Variants in TBCE observed in about 807,000 individuals in gnomAD.
TBCE encodes the protein tubulin-specific chaperone E.
Under a neutral mutation model 77.0 loss-of-function variants are expected in TBCE, and 53 were observed. The observed-to-expected ratio is 0.69, with a 90% CI of 0.55 to 0.87. The LOEUF (loss-of-function observed/expected upper bound fraction) is 0.87. TBCE is among the 40% of genes least tolerant of loss of function. The probability of loss-of-function intolerance (pLI) is 0.00; values close to 1 mark genes in which losing one functional copy is unlikely to be tolerated. For synonymous variants in TBCE, 235 were observed against 241.3 expected (o/e 0.97, Z 0.24); for missense variants, 624 against 622.4 (o/e 1.00, Z -0.03).
At chr1:235,434,058 G>T in intron 7 of TBCE, 146 bp from the exon 8 acceptor site, 1 of 768,518 alleles carries the variant, frequency 1.3e-6, no homozygotes. Flanking sequence ...CACTATTCCA[G>T]GCCTGAAACA....
At chr1:235,383,815 T>G (rs1204117226) in intron 2 of TBCE, among the ~76,000 whole-genome samples, 1 of 152,188 alleles carries the variant, frequency 6.6e-6, no homozygotes, top group Non-Finnish European at 1.5e-5. Flanking sequence ...TGTTTCCTTC[T>G]CCTGCCTAAT....
intron 15 of TBCE, 118 bp from the exon 16 acceptor site, chr1:235,448,231 A>AAAAAAAAAAAAC: frequency 1.3e-6 from 1 of 793,420 alleles, no homozygotes; most frequent in African/African-American, 1.8e-5. Flanking sequence ...AAAAAAAAAA[A>AAAAAAAAAAAAC]AAAAAAAAAG....
Position 235,436,309 on chromosome 1 carries a change from T to G in TBCE, c.834-77T>G, listed in dbSNP as rs75683084. ...AAACCCAGGGTGTAGGAAAAAAATT[T>G]ACAAACCGAGTCTGGTTGATACCCC... On this transcript the variant is annotated intron_variant, in intron 9 of 16. Transcript: ENST00000642610. 0.029 allele frequency: 42,173 copies of G among 1,448,682 alleles called. 1,117 individuals carry two copies. Among genetic ancestry groups the G allele is most frequent in the African/African-American group, 0.14 (9,689 of 71,688 alleles). 89.7% of individuals were successfully genotyped at this position (1,448,682 alleles called of 1,614,324 possible).
chr1:235,437,084 G>A (rs555418293), intron 11 of TBCE, among the ~76,000 whole-genome samples: 6 of 152,276 alleles, frequency 3.9e-5, no homozygotes, highest in East Asian at 3.9e-4. Flanking sequence ...AGCCGAGATC[G>A]CGCCGTTGCT....
chr1:235,398,063 A>G (rs1007848229), intron 2 of TBCE, among the ~76,000 whole-genome samples: 11 of 151,076 alleles, frequency 7.3e-5, no homozygotes, highest in African/African-American at 2.2e-4. Context: ...GAATGGCCTT[A>G]TTTTGTGCAT....
intron 3 of TBCE, among the ~76,000 whole-genome samples, chr1:235,410,575 G>A (rs1021332368): frequency 3.3e-5 from 5 of 152,052 alleles, no homozygotes; most frequent in African/African-American, 7.2e-5. Context: ...ATCTTGTACC[G>A]ACCTCCTAGT....
chr1:235,441,916 T>C (rs1681902966), intron 14 of TBCE, 34 bp downstream of exon 14: 1 of 1,588,376 alleles, frequency 6.3e-7, no homozygotes, highest in South Asian at 1.1e-5. Context: ...TTTATTTGTA[T>C]TTGAGTGCTT....
intron 6 of TBCE, among the ~76,000 whole-genome samples, chr1:235,428,737 G>A (rs1267003874): frequency 6.6e-6 from 1 of 150,898 alleles, no homozygotes; most frequent in Non-Finnish European, 1.5e-5. Context: ...TCTGCCTCCC[G>A]GGTTTGAGCG....
intron 3 of TBCE, among the ~76,000 whole-genome samples, chr1:235,402,214 C>T (rs1433053603): frequency 2.0e-5 from 3 of 151,928 alleles, no homozygotes; most frequent in African/African-American, 4.8e-5. Context: ...CAGGTGCCCA[C>T]GACCACGCCT....
At chr1:235,410,917 A>G (rs546376021) in intron 3 of TBCE, among the ~76,000 whole-genome samples, 1 of 152,338 alleles carries the variant, frequency 6.6e-6, no homozygotes, top group South Asian at 2.1e-4. Flanking sequence ...GTATATCTGG[A>G]AGATTAATAA....
chr1:235,410,099 C>T (rs1679697870), intron 3 of TBCE, among the ~76,000 whole-genome samples: 1 of 149,920 alleles, frequency 6.7e-6, no homozygotes, highest in African/African-American at 2.5e-5. Flanking sequence ...CCTGTAATCC[C>T]AGCTACTCAG....
chr1:235,379,718 G>A (rs1677506078), intron 1 of TBCE, among the ~76,000 whole-genome samples: 1 of 152,038 alleles, frequency 6.6e-6, no homozygotes, highest in Admixed American at 6.6e-5. Flanking sequence ...GGAGACTGAG[G>A]TTGGTGGATT....
intron 15 of TBCE, among the ~76,000 whole-genome samples, chr1:235,447,566 T>A (rs1682461177): frequency 6.6e-6 from 1 of 152,100 alleles, no homozygotes; most frequent in Non-Finnish European, 1.5e-5. Flanking sequence ...ACCTTGTAGA[T>A]CATTTAGTTG....
intron 9 of TBCE, 48 bp from the exon 10 acceptor site, chr1:235,436,338 G>A (rs1277329984): frequency 1.3e-6 from 2 of 1,571,052 alleles, no homozygotes; most frequent in East Asian, 4.5e-5. Context: ...ATACCCCATA[G>A]CATTTTACAT....
intron 5 of TBCE, among the ~76,000 whole-genome samples, chr1:235,424,748 G>A (rs925121535): frequency 3.2e-4 from 49 of 152,072 alleles, no homozygotes; most frequent in African/African-American, 1.1e-3. Context: ...CAGGTGATCC[G>A]CCCGCCTCGG....
At chr1:235,406,278 T>C (rs1679423289) in intron 3 of TBCE, among the ~76,000 whole-genome samples, 1 of 152,178 alleles carries the variant, frequency 6.6e-6, no homozygotes, top group Non-Finnish European at 1.5e-5. Context: ...TTTCATGTCA[T>C]GTTTTAGTTT....
intron 13 of TBCE, 52 bp downstream of exon 13, chr1:235,438,974 A>C: frequency 1.2e-6 from 2 of 1,613,532 alleles, no homozygotes; most frequent in Non-Finnish European, 1.7e-6. Context: ...CAGCTGGAAC[A>C]AAGTTTTTTC....
chr1:235,402,747 C>G (rs1175355192), intron 3 of TBCE, among the ~76,000 whole-genome samples: 2 of 152,098 alleles, frequency 1.3e-5, no homozygotes, highest in Non-Finnish European at 2.9e-5. Flanking sequence ...GCCTCAGTCT[C>G]CTGAGTAGCT....
intron 1 of TBCE, among the ~76,000 whole-genome samples, chr1:235,372,007 G>A (rs1274753786): frequency 6.6e-6 from 1 of 150,458 alleles, no homozygotes; most frequent in African/African-American, 2.4e-5. Context: ...TGTACAATAG[G>A]GTCTCCCTCT....
Sources: gnomAD v4.1 joint callset for allele counts (sites outside exome capture counted in the v4.1 genomes callset) on GRCh38, gnomAD v4.1.1 for gene constraint, MANE v1.5 for transcripts, NCBI Gene and HGNC (gene_info 2026-07-23, HGNC 2026-07-21) for gene names.